Variants in RIMS1 observed in about 807,000 individuals in gnomAD.
RIMS1 encodes regulating synaptic membrane exocytosis protein 1.
A neutral mutation model predicts 214.1 loss-of-function variants in RIMS1; 83 were observed. The observed-to-expected ratio is 0.39, with a 90% CI of 0.32 to 0.47. The LOEUF (loss-of-function observed/expected upper bound fraction) is 0.47, where lower values mean the gene tolerates loss of function less well. Ranked by LOEUF, RIMS1 falls within the 20% of genes least tolerant of loss-of-function variation. RIMS1 has a pLI of 0.99. For synonymous variants in RIMS1, 793 were observed against 786.8 expected (o/e 1.01, Z -0.13); for missense variants, 2,050 against 2,161.8 (o/e 0.95, Z 1.03).
At chr6:72,203,229 C>A (rs775245239) in intron 6 of RIMS1, among the ~76,000 whole-genome samples, 1 of 152,098 alleles carries the variant, frequency 6.6e-6, no homozygotes, top group African/African-American at 2.4e-5. Context: ...CCCTGTGATC[C>A]GCCCACCTCA....
At chr6:72,378,419 T>A (rs1251937393) in intron 29 of RIMS1, among the ~76,000 whole-genome samples, 1 of 152,250 alleles carries the variant, frequency 6.6e-6, no homozygotes, top group African/African-American at 2.4e-5. Context: ...TTTCTTAATT[T>A]TCTTTGTGAC....
intron 27 of RIMS1, among the ~76,000 whole-genome samples, chr6:72,312,376 T>G (rs2095553345): frequency 6.6e-6 from 1 of 152,018 alleles, no homozygotes; most frequent in Admixed American, 6.6e-5. Flanking sequence ...TTTAGGTATC[T>G]TTCAGTTATT....
intron 2 of RIMS1, among the ~76,000 whole-genome samples, chr6:72,058,456 G>GTGCAA (rs1826949185): frequency 6.6e-6 from 1 of 152,226 alleles, no homozygotes; most frequent in Non-Finnish European, 1.5e-5. Flanking sequence ...CATTTTGGAA[G>GTGCAA]CCCCTCTGGG....
intron 2 of RIMS1, among the ~76,000 whole-genome samples, chr6:72,066,098 T>A (rs1829233509): frequency 6.6e-6 from 1 of 152,216 alleles, no homozygotes; most frequent in Non-Finnish European, 1.5e-5. Flanking sequence ...CAGATTAAAC[T>A]AAGTATGTGG....
chr6:72,156,497 T>C (rs554478411), intron 4 of RIMS1, among the ~76,000 whole-genome samples: 1 of 140,286 alleles, frequency 7.1e-6, no homozygotes, highest in Admixed American at 7.3e-5. Context: ...GAGAAGTAGG[T>C]AAAAGGGTAC....
chr6:71,995,701 G>A (rs1225833802), intron 2 of RIMS1, among the ~76,000 whole-genome samples: 1 of 152,038 alleles, frequency 6.6e-6, no homozygotes, highest in African/African-American at 2.4e-5. Context: ...GCTTATAAAT[G>A]GCTGCCATCT....
intron 2 of RIMS1, among the ~76,000 whole-genome samples, chr6:72,068,712 A>G (rs1389526680): frequency 1.3e-5 from 2 of 151,998 alleles, no homozygotes; most frequent in Non-Finnish European, 2.9e-5. Context: ...TCACGAGGTC[A>G]GGAGATCGAG....
chr6:72,188,026 G>A (rs1417621985), intron 6 of RIMS1, among the ~76,000 whole-genome samples: 1 of 152,184 alleles, frequency 6.6e-6, no homozygotes, highest in Admixed American at 6.5e-5. Flanking sequence ...CCACACAGGT[G>A]GAAGGCTGAA....
chr6:72,349,814 C>T (rs2097381837), intron 29 of RIMS1, among the ~76,000 whole-genome samples: 1 of 151,842 alleles, frequency 6.6e-6, no homozygotes, highest in Non-Finnish European at 1.5e-5. Flanking sequence ...ACCTATTATT[C>T]AATTGTTTTT....
intron 2 of RIMS1, among the ~76,000 whole-genome samples, chr6:72,090,106 CA>C (rs535284327): frequency 1.3e-3 from 193 of 151,934 alleles, no homozygotes; most frequent in African/African-American, 4.5e-3. Context: ...ACCAGCATGG[CA>C]CACGTATACA....
At chr6:72,196,804 G>A (rs1354150856) in intron 6 of RIMS1, among the ~76,000 whole-genome samples, 2 of 149,678 alleles carry the variant, frequency 1.3e-5, no homozygotes, top group African/African-American at 2.5e-5. Context: ...TTGTCAGGTA[G>A]GCATGAGGGT....
chr6:72,093,232 A>ATATATATATATATATATATATATATATG, intron 2 of RIMS1, among the ~76,000 whole-genome samples: 1 of 136,456 alleles, frequency 7.3e-6, no homozygotes, highest in South Asian at 2.4e-4. Context: ...ATATATAAAA[A>ATATATATATATATATATATATATATATG]CATGTGTGTA....
chr6:72,186,030 A>G (rs779816978), intron 6 of RIMS1, among the ~76,000 whole-genome samples: 1 of 152,176 alleles, frequency 6.6e-6, no homozygotes, highest in Non-Finnish European at 1.5e-5. Context: ...CTTTATTGTG[A>G]GAATAGAGTA....
rs1465600796 is a variant in RIMS1 at position 72,062,661 on chromosome 6, TG to T, written c.246-34282del. Among the ~76,000 whole-genome samples the T allele has an allele frequency of 2.6e-5, 4 of 152,082 alleles. No individual in the cohort carries two copies. The East Asian group carries it at 7.7e-4, about 29-fold the overall frequency. On this transcript the variant is annotated intron_variant, in intron 2 of 33. Coordinates refer to ENST00000521978, the MANE Select transcript of RIMS1 (RefSeq NM_014989.7). Reference sequence around the variant, plus strand: ...GCTGCCTTAACAAAGTACCAAAAACTGGGGGGCTTATAGCAACAGAAATGTA... The same window carrying T: ...GCTGCCTTAACAAAGTACCAAAAACTGGGGGCTTATAGCAACAGAAATGTA...
At chr6:72,050,472 G>A (rs1390029828) in intron 2 of RIMS1, among the ~76,000 whole-genome samples, 1 of 152,118 alleles carries the variant, frequency 6.6e-6, no homozygotes, top group African/African-American at 2.4e-5. Flanking sequence ...TTAATCCCAA[G>A]TTTCTTCCTT....
intron 4 of RIMS1, among the ~76,000 whole-genome samples, chr6:72,149,555 C>T (rs1031382903): frequency 4.6e-5 from 7 of 152,100 alleles, no homozygotes; most frequent in African/African-American, 1.7e-4. Flanking sequence ...GCAGAGCCCT[C>T]CCCACATCCT....
At chr6:72,267,470 T>A (rs1213241173) in intron 22 of RIMS1, among the ~76,000 whole-genome samples, 6 of 152,258 alleles carry the variant, frequency 3.9e-5, no homozygotes, top group African/African-American at 1.4e-4. Flanking sequence ...CTAAAAGGAT[T>A]AAGTTAATTT....
At chr6:72,376,483 G>A (rs965868640) in intron 29 of RIMS1, among the ~76,000 whole-genome samples, 14 of 152,264 alleles carry the variant, frequency 9.2e-5, no homozygotes, top group South Asian at 6.2e-4. Flanking sequence ...GCTGGGCTCC[G>A]TGGCTCATTC....
chr6:72,110,257 A>T (rs1271816136), intron 4 of RIMS1, among the ~76,000 whole-genome samples: 1 of 152,154 alleles, frequency 6.6e-6, no homozygotes, highest in Non-Finnish European at 1.5e-5. Context: ...TGGTAGCTTG[A>T]TGGCAATGGC....
Sources: allele counts gnomAD v4.1 joint callset (sites outside exome capture counted in the v4.1 genomes callset), GRCh38; gene constraint gnomAD v4.1.1; transcripts MANE v1.5; gene names NCBI Gene and HGNC (gene_info 2026-07-23, HGNC 2026-07-21).